DHRSX: variants seen among roughly 807,000 people sequenced by gnomAD.
The protein encoded by DHRSX is dehydrogenase/reductase X-linked.
Under a neutral mutation model 34.0 loss-of-function variants are expected in DHRSX, and 31 were observed. The observed-to-expected ratio is 0.91, with a 90% CI of 0.69 to 1.23. The LOEUF is 1.23. DHRSX is among the 50% of genes most tolerant of loss of function. The probability of loss-of-function intolerance (pLI) is 0.00; values close to 1 mark genes in which losing one functional copy is unlikely to be tolerated. For missense variants in DHRSX, 414 were observed against 428.1 expected (o/e 0.97, Z 0.29); for synonymous variants, 201 against 183.8 (o/e 1.09, Z -0.76).
At position 2,229,149 on chromosome X, in the gene DHRSX, G is replaced by A. The variant is rs969453657; in HGVS notation, c.805-7920C>T. The stretch of plus-strand genomic sequence containing the variant: ...TGCTGAGAGAGATCTGAGGGCACAT[G>A]TATTTATTTTAGCACCGTCCACATC... On this transcript the variant is annotated intron_variant, in intron 6 of 6. Transcript: ENST00000334651. 4.6e-5 allele frequency among the ~76,000 whole-genome samples: 7 copies of A among 152,156 alleles called. No individual in the cohort carries two copies. The South Asian group carries it at 8.3e-4, about 18-fold the overall frequency.
chrX:2,226,890 G>C (rs1407061828), intron 6 of DHRSX, among the ~76,000 whole-genome samples: 1 of 152,142 alleles, frequency 6.6e-6, no homozygotes, highest in East Asian at 1.9e-4. Context: ...AGGGAAAACA[G>C]CAAAGCAACT....
intron 3 of DHRSX, among the ~76,000 whole-genome samples, chrX:2,389,218 C>T (rs2043306897): frequency 6.6e-6 from 1 of 152,142 alleles, no homozygotes; most frequent in East Asian, 1.9e-4. Context: ...GAAGGGGTCA[C>T]CTGGTCTCCT....
chrX:2,323,669 T>C (rs1037232225), intron 3 of DHRSX, among the ~76,000 whole-genome samples: 2 of 151,988 alleles, frequency 1.3e-5, no homozygotes, highest in Non-Finnish European at 2.9e-5. Flanking sequence ...CTTTAGACAC[T>C]GTGGTGGGAA....
chrX:2,345,607 G>C (rs1194994213), intron 3 of DHRSX, among the ~76,000 whole-genome samples: 1 of 148,928 alleles, frequency 6.7e-6, no homozygotes, highest in South Asian at 2.1e-4. Context: ...AGATCGCACC[G>C]AGATCGCATC....
chrX:2,394,308 TG>T (rs2043381539), intron 3 of DHRSX, among the ~76,000 whole-genome samples: 1 of 152,192 alleles, frequency 6.6e-6, no homozygotes, highest in Admixed American at 6.5e-5. Flanking sequence ...GACCTGGACT[TG>T]GCAGCAGCAG....
intron 6 of DHRSX, among the ~76,000 whole-genome samples, chrX:2,227,411 T>G (rs2015694781): frequency 4.4e-5 from 6 of 136,196 alleles, no homozygotes; most frequent in African/African-American, 8.3e-5. Flanking sequence ...GAAGGAAGCA[T>G]AATGGGAGGG....
intron 3 of DHRSX, among the ~76,000 whole-genome samples, chrX:2,406,205 T>C (rs1441348805): frequency 6.6e-6 from 1 of 150,388 alleles, no homozygotes; most frequent in Non-Finnish European, 1.5e-5. Flanking sequence ...GGCAGAAGAA[T>C]CGCTTGAACC....
At chrX:2,358,338 C>G (rs2042883565) in intron 3 of DHRSX, among the ~76,000 whole-genome samples, 1 of 151,996 alleles carries the variant, frequency 6.6e-6, no homozygotes, top group Non-Finnish European at 1.5e-5. Context: ...AAAAAAAATC[C>G]CATTGAAAGC....
At chrX:2,498,916 G>A (rs187171764) in intron 1 of DHRSX, among the ~76,000 whole-genome samples, 53 of 152,206 alleles carry the variant, frequency 3.5e-4, no homozygotes, top group Admixed American at 1.2e-3. Context: ...CCTGACTACA[G>A]TTCCCTTTAC....
rs780490953 is a variant in DHRSX at position 2,221,160 on chromosome X, G to A, written c.874C>T (p.His292Tyr). Residue 292 changes from histidine (H) to tyrosine (Y), a missense_variant, in exon 7 of 7, where the codon CAT (histidine) becomes TAT (tyrosine). Transcript: ENST00000334651. ...GTCTCTTTCTCGTTGTATAGGTAAT[G>A]GCCACCAACTCCTTCCAGCTCTGGG... ...VTPELEGVGG[H>Y]YLYNEKETKS... 4.8e-5 allele frequency: 78 copies of A among 1,613,794 alleles called. No individual in the cohort carries two copies. The Middle Eastern group carries it at 5.0e-4, about 10-fold the overall frequency.
intron 3 of DHRSX, among the ~76,000 whole-genome samples, chrX:2,303,230 A>G (rs1326842944): frequency 1.3e-5 from 2 of 152,208 alleles, no homozygotes; most frequent in Non-Finnish European, 1.5e-5. Context: ...TATTGAGATC[A>G]CTGGCTTGCG....
At chrX:2,476,613 T>G (rs1474852442) in intron 1 of DHRSX, among the ~76,000 whole-genome samples, 1 of 152,136 alleles carries the variant, frequency 6.6e-6, no homozygotes, top group Non-Finnish European at 1.5e-5. Flanking sequence ...ACTGTTTTTA[T>G]GCAAATCATT....
chrX:2,361,613 G>C (rs895472351), intron 3 of DHRSX, among the ~76,000 whole-genome samples: 1 of 152,116 alleles, frequency 6.6e-6, no homozygotes, highest in Admixed American at 6.5e-5. Flanking sequence ...CCAAGTATTA[G>C]AGGGACAAAG....
intron 3 of DHRSX, among the ~76,000 whole-genome samples, chrX:2,387,915 A>AAG: frequency 6.6e-6 from 1 of 151,012 alleles, no homozygotes; most frequent in South Asian, 2.1e-4. Flanking sequence ...AAAAAAAAAA[A>AAG]AAAAAAAAAC....
chrX:2,228,923 G>T (rs1208085090), intron 6 of DHRSX, among the ~76,000 whole-genome samples: 2 of 152,112 alleles, frequency 1.3e-5, no homozygotes, highest in Admixed American at 1.3e-4. Flanking sequence ...CCCCTGTGCT[G>T]TCTGCAAGGA....
At chrX:2,408,911 C>G (rs148934876) in intron 2 of DHRSX, 98 bp from the exon 3 acceptor site, 22,032 of 1,065,160 alleles carry the variant, frequency 0.021, 336 homozygotes, top group Non-Finnish European at 0.027. Flanking sequence ...AAGTATAACA[C>G]AAATCTGAAA....
At chrX:2,451,927 G>A (rs927612471) in intron 1 of DHRSX, among the ~76,000 whole-genome samples, 3 of 151,426 alleles carry the variant, frequency 2.0e-5, no homozygotes, top group Non-Finnish European at 4.4e-5. Flanking sequence ...ATGTGGCTAA[G>A]AAACCACTGC....
chrX:2,446,170 G>T (rs1029966905), intron 1 of DHRSX, among the ~76,000 whole-genome samples: 1 of 151,756 alleles, frequency 6.6e-6, no homozygotes, highest in African/African-American at 2.4e-5. Context: ...ACACACTAAA[G>T]ACATTCCCTA....
At chrX:2,415,811 C>A (rs2043686234) in intron 2 of DHRSX, among the ~76,000 whole-genome samples, 1 of 151,832 alleles carries the variant, frequency 6.6e-6, no homozygotes, top group South Asian at 2.1e-4. Flanking sequence ...CCAACCAGAT[C>A]TCATCATGAC....
Sources: gnomAD v4.1 joint callset for allele counts (sites outside exome capture counted in the v4.1 genomes callset) on GRCh38, gnomAD v4.1.1 for gene constraint, MANE v1.5 for transcripts, NCBI Gene and HGNC (gene_info 2026-07-23, HGNC 2026-07-21) for gene names.